SHISA9: variants seen among roughly 807,000 people sequenced by gnomAD.
SHISA9 encodes protein shisa-9.
In SHISA9, 13 loss-of-function variants were observed where a neutral mutation model predicts 38.0. That is an observed-to-expected ratio of 0.34 (90% CI 0.22 to 0.54). The LOEUF (loss-of-function observed/expected upper bound fraction) is 0.54, where lower values mean the gene tolerates loss of function less well. Ranked by LOEUF, SHISA9 falls within the 20% of genes least tolerant of loss-of-function variation. The pLI is 0.91. For synonymous variants in SHISA9, 275 were observed against 242.0 expected (o/e 1.14, Z -1.27); for missense variants, 538 against 575.8 (o/e 0.93, Z 0.67).
chr16:13,173,381 C>T (rs1308291032), intron 2 of SHISA9, among the ~76,000 whole-genome samples: 1 of 140,944 alleles, frequency 7.1e-6, no homozygotes, highest in Admixed American at 7.2e-5. Flanking sequence ...TGCATGTACA[C>T]ACACACACAC....
chr16:13,312,687 C>T, the SHISA9 span, among the ~76,000 whole-genome samples: 2 of 152,106 alleles, frequency 1.3e-5, no homozygotes, highest in African/African-American at 4.8e-5. Context: ...TCTTAAAATA[C>T]AACCTAAATT....
chr16:13,359,859 A>G, the SHISA9 span, among the ~76,000 whole-genome samples: 1 of 152,234 alleles, frequency 6.6e-6, no homozygotes, highest in Non-Finnish European at 1.5e-5. Flanking sequence ...AAGTGAATTC[A>G]TTATTTGCAG....
intron 1 of SHISA9, among the ~76,000 whole-genome samples, chr16:12,905,567 G>A (rs2071081270): frequency 6.6e-6 from 1 of 151,606 alleles, no homozygotes; most frequent in African/African-American, 2.4e-5. Context: ...AAGGAGAGGA[G>A]CCACTGTGAA....
intron 2 of SHISA9, among the ~76,000 whole-genome samples, chr16:13,065,842 C>G (rs2073428346): frequency 6.6e-6 from 1 of 152,234 alleles, no homozygotes; most frequent in South Asian, 2.1e-4. Context: ...TGAGCTAGAC[C>G]TTGACAAAGG....
chr16:13,416,797 G>GAAGA, the SHISA9 span, among the ~76,000 whole-genome samples: 1 of 148,920 alleles, frequency 6.7e-6, no homozygotes, highest in African/African-American at 2.5e-5. Context: ...GGAAGGGAAG[G>GAAGA]AAGGAAGGAA....
chr16:13,262,465 CA>C, the SHISA9 span, among the ~76,000 whole-genome samples: 2 of 152,172 alleles, frequency 1.3e-5, no homozygotes, highest in Non-Finnish European at 2.9e-5. Context: ...GAAGGCTTAT[CA>C]GGTTGTATCA....
At chr16:12,979,048 A>G (rs549472379) in intron 2 of SHISA9, among the ~76,000 whole-genome samples, 4 of 152,228 alleles carry the variant, frequency 2.6e-5, no homozygotes, top group Admixed American at 6.5e-5. Flanking sequence ...TCTCCTCCCA[A>G]TCTCCACGTC....
intron 1 of SHISA9, chr16:12,911,132 G>C (rs111277040): frequency 4.9e-6 from 2 of 408,412 alleles, no homozygotes; most frequent in African/African-American, 4.3e-5. Context: ...GTCACTCGGA[G>C]TGTGGCCTGT....
chr16:13,340,495 T>C, the SHISA9 span, among the ~76,000 whole-genome samples: 1 of 152,188 alleles, frequency 6.6e-6, no homozygotes, highest in Non-Finnish European at 1.5e-5. Flanking sequence ...CAGCCTTTTG[T>C]TATGTGATTG....
At chr16:13,086,028 T>C (rs766054287) in intron 2 of SHISA9, among the ~76,000 whole-genome samples, 85 of 152,282 alleles carry the variant, frequency 5.6e-4, no homozygotes, top group Non-Finnish European at 8.7e-4. Flanking sequence ...ACAGGAAGAT[T>C]GTTTTTAAAG....
intron 2 of SHISA9, among the ~76,000 whole-genome samples, chr16:13,045,773 AG>A (rs1354545288): frequency 6.6e-6 from 1 of 151,924 alleles, no homozygotes; most frequent in South Asian, 2.1e-4. Context: ...TGTGTCCCCC[AG>A]GGGGAGTCTG....
At chr16:13,120,689 A>G (rs1010424050) in intron 2 of SHISA9, among the ~76,000 whole-genome samples, 5 of 152,172 alleles carry the variant, frequency 3.3e-5, no homozygotes, top group South Asian at 2.1e-4. Flanking sequence ...AACACCCAGG[A>G]TGCCCCGAGC....
At chr16:13,083,683 T>C (rs2073679253) in intron 2 of SHISA9, among the ~76,000 whole-genome samples, 1 of 152,194 alleles carries the variant, frequency 6.6e-6, no homozygotes, top group Non-Finnish European at 1.5e-5. Context: ...TATGGGCTGC[T>C]TGTGTTTGTC....
the SHISA9 span, among the ~76,000 whole-genome samples, chr16:13,321,806 A>G: frequency 2.6e-5 from 4 of 152,026 alleles, no homozygotes; most frequent in Admixed American, 6.6e-5. Flanking sequence ...AATAATCTCA[A>G]TAATAATCTC....
chr16:13,265,145 T>G, the SHISA9 span, among the ~76,000 whole-genome samples: 1 of 82,938 alleles, frequency 1.2e-5, no homozygotes, highest in African/African-American at 4.8e-5. Context: ...TCCCTTCCCC[T>G]TCCCTTTCTT....
the SHISA9 span, among the ~76,000 whole-genome samples, chr16:13,519,388 C>T: frequency 3.3e-5 from 5 of 152,268 alleles, no homozygotes; most frequent in Admixed American, 2.6e-4. Context: ...ATGAATGAGC[C>T]TGTTCACAGC....
the SHISA9 span, among the ~76,000 whole-genome samples, chr16:13,504,974 A>G: frequency 4.8e-3 from 726 of 152,288 alleles, 3 homozygotes; most frequent in African/African-American, 0.016. Flanking sequence ...GCCCCAAAAG[A>G]AATGGGATTC....
intron 2 of SHISA9, among the ~76,000 whole-genome samples, chr16:12,920,779 T>C (rs2071317914): frequency 6.6e-6 from 1 of 152,246 alleles, no homozygotes; most frequent in African/African-American, 2.4e-5. Context: ...ACTTTCCTTT[T>C]AGCTAAACTG....
At chr16:13,244,274 T>C (rs914699160), downstream of SHISA9, among the ~76,000 whole-genome samples, 4 of 152,202 alleles carry the variant, frequency 2.6e-5, no homozygotes, top group Admixed American at 2.6e-4. Flanking sequence ...ACATTTGTGA[T>C]ATGGTAATAC....
Sources: gnomAD v4.1 joint callset for allele counts (sites outside exome capture counted in the v4.1 genomes callset) on GRCh38, gnomAD v4.1.1 for gene constraint, MANE v1.5 for transcripts, NCBI Gene and HGNC (gene_info 2026-07-23, HGNC 2026-07-21) for gene names.